SETD1B: variants seen among roughly 807,000 people sequenced by gnomAD.
SETD1B encodes the protein histone-lysine N-methyltransferase SETD1B.
Under a neutral mutation model 148.0 loss-of-function variants are expected in SETD1B, and 7 were observed. The observed-to-expected ratio is 0.05, with a 90% confidence interval of 0.03 to 0.09. The LOEUF is 0.09. SETD1B is among the 10% of genes least tolerant of loss of function. SETD1B has a pLI of 1.00. For synonymous variants in SETD1B, 1,361 were observed against 1,186.5 expected, an observed-to-expected ratio of 1.15 and a Z score of -3.02; for missense variants, 2,155 against 2,729.9, an observed-to-expected ratio of 0.79 and a Z score of 4.69.
In SETD1B at chr12:121,805,854, G is replaced by A. The variant is rs1566546029; in HGVS notation, c.293G>A (p.Gly98Asp). The A allele has an allele frequency of 6.4e-7, 1 of 1,551,524 alleles. No homozygotes were observed. Among genetic ancestry groups the A allele is most frequent in the Non-Finnish European group, 8.7e-7 (1 of 1,146,944 alleles). Reference sequence around the variant, plus strand: ...TGCCAGATCGATGAGTTCTACGTGGGCCCGGTGCCTCCGAAGCAGGTGACA... The same window carrying A: ...TGCCAGATCGATGAGTTCTACGTGGACCCGGTGCCTCCGAAGCAGGTGACA... ...PKFKIDEFYVGPVPPKQVTFA... is the reference protein window; with the variant it reads ...PKFKIDEFYVDPVPPKQVTFA... The change falls in exon 4 of 17, where the codon GGC becomes GAC. Residue 98 changes from glycine to aspartate, a missense_variant. By Grantham distance (94) the Gly-to-Asp change is moderately conservative. Transcript: ENST00000604567. The surrounding 1 kb of genome is among the most constrained non-coding windows in gnomAD (Gnocchi z 4.2).
the SETD1B span, among the ~76,000 whole-genome samples, chr12:121,790,286 G>A: frequency 6.6e-6 from 1 of 152,212 alleles, no homozygotes; most frequent in African/African-American, 2.4e-5. Context: ...GCCACCAGTC[G>A]GGAAGATGCC....
chr12:121,820,258 G>C (rs1389339858), intron 11 of SETD1B, among the ~76,000 whole-genome samples: 1 of 152,218 alleles, frequency 6.6e-6, no homozygotes, highest in Non-Finnish European at 1.5e-5. Flanking sequence ...GGGGTGCTGG[G>C]CCAGGTGAGG....
intron 10 of SETD1B, among the ~76,000 whole-genome samples, chr12:121,818,889 C>CAAAA (rs61120230): frequency 2.8e-4 from 18 of 65,280 alleles, no homozygotes; most frequent in African/African-American, 8.9e-4. Context: ...GACTCCGTCT[C>CAAAA]AAAAAAAAAA....
rs941254123 is a variant in SETD1B at position 121,804,297 on chromosome 12, CGGCCCT to C, written c.-15+70_-15+75del. ...GCCGGGCGGCCCAAGCCCCCGGCCC[CGGCCCT>C]GGCCCGAGCGGGCGAGCGGGCGGGC... is the stretch of plus-strand genomic sequence containing the variant. On this transcript the variant is annotated intron_variant, in intron 1 of 16. Transcript: ENST00000604567. The surrounding 1 kb of genome is among the most constrained non-coding windows in gnomAD (Gnocchi z 4.6). 4.1e-5 allele frequency: 6 copies of C among 146,082 alleles called. No individual in the cohort carries two copies. Among genetic ancestry groups the C allele is most frequent in the African/African-American group, 7.4e-5 (3 of 40,776 alleles). 9.0% of individuals were successfully genotyped at this position (146,082 alleles called of 1,614,324 possible).
the SETD1B span, chr12:121,794,469 T>C: frequency 2.0e-5 from 3 of 152,234 alleles, no homozygotes; most frequent in Non-Finnish European, 2.9e-5. Context: ...GAGGGGCAGG[T>C]TGGAGTAGCT....
rs1877068739 is a variant in SETD1B at position 121,831,027 on chromosome 12, A to G, written c.*788A>G. The stretch of plus-strand genomic sequence containing the variant: ...CAGCACCCCCTAAACCTTGGGTTCA[A>G]TGTTTACTTTCTCATTCGGATGCCA... On this transcript the variant is annotated 3_prime_UTR_variant, in exon 17 of 17. Transcript: ENST00000604567. 6.6e-6 allele frequency: 1 copy of G among 152,218 alleles called. No individual in the cohort carries two copies. The highest frequency in any genetic ancestry group is 2.4e-5 in the African/African-American group (1 of 41,404). The allele number at this position is 152,218 out of a possible 1,614,324, so 9.4% of individuals were successfully genotyped here.
chr12:121,807,042 C>A (rs920638335), intron 4 of SETD1B, among the ~76,000 whole-genome samples: 2 of 152,232 alleles, frequency 1.3e-5, no homozygotes, highest in African/African-American at 4.8e-5. Context: ...AGTGCAGCTT[C>A]CAGGAATTTT....
upstream of SETD1B, chr12:121,799,294 CA>C (rs1875177624): frequency 6.6e-6 from 1 of 152,258 alleles, no homozygotes; most frequent in Non-Finnish European, 1.5e-5. Flanking sequence ...GGCTTATATA[CA>C]GGCCTGCCCA....
chr12:121,796,930 C>T, the SETD1B span, among the ~76,000 whole-genome samples: 2 of 151,430 alleles, frequency 1.3e-5, no homozygotes, highest in Non-Finnish European at 2.9e-5. Flanking sequence ...CCCAGCTACT[C>T]GGAGGCTGAG....
At chr12:121,797,376 C>T in the SETD1B span, 1 of 444,604 alleles carries the variant, frequency 2.2e-6, no homozygotes, top group Non-Finnish European at 4.6e-6. Flanking sequence ...CCCGCGTTCG[C>T]TGGGTGACCG....
chr12:121,817,464 G>C lies in SETD1B; in HGVS notation c.3072G>C (p.Ala1024=), dbSNP rs1254101229. 24 of 1,548,290 alleles carry C rather than the reference G, an allele frequency of 1.6e-5. No individual in the cohort carries two copies. Among genetic ancestry groups the C allele is most frequent in the Non-Finnish European group, 2.0e-5 (23 of 1,144,734 alleles). The change falls in exon 9 of 17, where the codon GCG becomes GCC. Residue 1024 remains alanine (A), a synonymous_variant. Coordinates refer to ENST00000604567, the MANE Select transcript of SETD1B (RefSeq NM_001353345.2). This position sits in a 1 kb window ranked among gnomAD's most constrained non-coding sequence, Gnocchi z 8.1. ...GCGTGGGTGTGCGGCGGCGGCCGGCGCGGCCTCTGGAGCTGGACAGTGGTG... is the reference window on the plus strand; with the variant it reads ...GCGTGGGTGTGCGGCGGCGGCCGGCCCGGCCTCTGGAGCTGGACAGTGGTG... ...PKGVGVRRRP[A]RPLELDSGGE...
the SETD1B span, chr12:121,797,627 C>A: frequency 2.2e-6 from 1 of 456,430 alleles, no homozygotes; most frequent in East Asian, 7.0e-5. Context: ...CTGGCTGGAG[C>A]CCTCCAGGGT....
chr12:121,819,321 T>A, intron 10 of SETD1B, 83 bp from the exon 11 acceptor site: 1 of 1,532,244 alleles, frequency 6.5e-7, no homozygotes, highest in Non-Finnish European at 8.8e-7. Context: ...GTGCCACCAG[T>A]TTGAGGCCAT....
rs1592988488 is a variant in SETD1B at position 121,823,095 on chromosome 12, G to GC, written c.4522dup (p.Leu1508ProfsTer59). On this transcript the variant is annotated frameshift_variant, in exon 12 of 17. Coordinates refer to ENST00000604567, the MANE Select transcript of SETD1B (RefSeq NM_001353345.2). LOFTEE classifies it high-confidence loss of function. ...CACCCCGCTGCCACCCCTGCTGCCC[G>GC]CCCCCCTGGCCTCTTGCCCTCCCCC... 1 of 286,936 alleles carries GC rather than the reference G, an allele frequency of 3.5e-6. No individual in the cohort carries two copies. The highest frequency in any genetic ancestry group is 1.6e-4 in the Admixed American group (1 of 6,118). The allele number at this position is 286,936 out of a possible 1,614,324, so 17.8% of individuals were successfully genotyped here.
At chr12:121,802,564 TAA>T (rs1348001028), upstream of SETD1B, 2 of 152,132 alleles carry the variant, frequency 1.3e-5, no homozygotes, top group African/African-American at 2.4e-5. Flanking sequence ...GAATACAGAT[TAA>T]GACAGCTCCA....
chr12:121,798,523 C>G, the SETD1B span, among the ~76,000 whole-genome samples: 2 of 152,230 alleles, frequency 1.3e-5, no homozygotes, highest in African/African-American at 4.8e-5. Context: ...AATCCTCCCA[C>G]CACCCTTTCC....
At chr12:121,797,658 C>A in the SETD1B span, 2 of 454,862 alleles carry the variant, frequency 4.4e-6, no homozygotes, top group Non-Finnish European at 8.9e-6. Context: ...GGGAGACGTA[C>A]ATCAATTACT....
At chr12:121,800,336 C>T (rs1286355921), upstream of SETD1B, 2 of 152,290 alleles carry the variant, frequency 1.3e-5, no homozygotes, top group African/African-American at 4.8e-5. Context: ...CCGAGGGCCT[C>T]CCGCCCTGAG....
chr12:121,799,731 T>TGGGGGGGGGGGGGGGGGGG (rs1308261766), upstream of SETD1B: 1 of 31,716 alleles, frequency 3.2e-5, no homozygotes, highest in Non-Finnish European at 6.9e-5. Context: ...GGGGGGGGGG[T>TGGGGGGGGGGGGGGGGGGG]GGGGTGGGGC....
Sources: allele counts gnomAD v4.1 joint callset (sites outside exome capture counted in the v4.1 genomes callset), GRCh38; gene constraint gnomAD v4.1.1; non-coding constraint Gnocchi (gnomAD v3.1); transcripts MANE v1.5; gene names NCBI Gene and HGNC (gene_info 2026-07-23, HGNC 2026-07-21).